The following TRA2B variants were observed in gnomAD, a reference collection of about 807,000 sequenced individuals.
The protein encoded by TRA2B is transformer-2 protein homolog beta.
A neutral mutation model predicts 41.7 loss-of-function variants in TRA2B; 14 were observed. The ratio of observed to expected loss-of-function variants is 0.34; its 90% confidence interval spans 0.22 to 0.53. The LOEUF (loss-of-function observed/expected upper bound fraction) is 0.53. Ranked by LOEUF, TRA2B falls within the 20% of genes least tolerant of loss-of-function variation. TRA2B has a pLI of 0.95. For synonymous variants in TRA2B, 130 were observed against 128.8 expected, an observed-to-expected ratio of 1.01 and a Z score of -0.06; for missense variants, 167 against 396.8, an observed-to-expected ratio of 0.42 and a Z score of 4.92.
In TRA2B at chr3:185,923,882, C is replaced by T. The variant is rs139109112; in HGVS notation, c.436G>A (p.Asp146Asn). 6 of 1,613,914 alleles carry T rather than the reference C, an allele frequency of 3.7e-6. No homozygotes were observed. Among genetic ancestry groups the T allele is most frequent in the African/African-American group, 2.7e-5 (2 of 74,892 alleles). The stretch of plus-strand genomic sequence containing the variant: ...TGCTGGTCATATACAATAGACACAT[C>T]GGCAATGGGACCATATTTAGAGAAC... ...EVFSKYGPIA[D>N]VSIVYDQQSR... Residue 146 changes from aspartate to asparagine, a missense_variant, in exon 4 of 9, where the codon GAT (aspartate) becomes AAT (asparagine). Around this residue, in one of 5 missense-constraint regions of TRA2B, gnomAD observed 20 missense variants for 159.6 expected, o/e 0.13. Coordinates refer to ENST00000453386, the MANE Select transcript of TRA2B (RefSeq NM_004593.3).
At chr3:185,931,643 T>A in intron 1 of TRA2B, 2 of 1,289,110 alleles carry the variant, frequency 1.6e-6, no homozygotes, top group Non-Finnish European at 2.0e-6. Context: ...CTTTTCTTCA[T>A]TCTTCCGTTT....
intron 3 of TRA2B, chr3:185,925,116 C>T (rs1160683281): frequency 6.3e-6 from 1 of 157,608 alleles, no homozygotes; most frequent in Non-Finnish European, 1.4e-5. Context: ...AGGAGAGCAT[C>T]TAACTAGGTT....
rs548505043 is a variant in TRA2B at position 185,934,485 on chromosome 3, T to C, written c.36+3340A>G. 12 of 985,396 alleles carry C rather than the reference T, an allele frequency of 1.2e-5. No individual in the cohort carries two copies. The South Asian group carries it at 3.8e-4, about 31-fold the overall frequency. The allele number at this position is 985,396 out of a possible 1,614,324, so 61.0% of individuals were successfully genotyped here. ...AATGTCACGTTCTAGTTCCAGACAA[T>C]ATCCACAATATTAAAGCATTCTTGT... On this transcript the variant is annotated intron_variant, in intron 1 of 8. Coordinates refer to ENST00000453386, the MANE Select transcript of TRA2B (RefSeq NM_004593.3).
intron 1 of TRA2B, among the ~76,000 whole-genome samples, chr3:185,932,973 C>A (rs1013769023): frequency 1.3e-5 from 2 of 152,138 alleles, no homozygotes; most frequent in Admixed American, 6.5e-5. Flanking sequence ...AATTTCCAGT[C>A]TAGTTTTAGA....
chr3:185,932,548 A>C (rs575937594), intron 1 of TRA2B, among the ~76,000 whole-genome samples: 18 of 152,306 alleles, frequency 1.2e-4, no homozygotes, highest in African/African-American at 3.6e-4. Context: ...CTTGAATCCA[A>C]CACTGGTATT....
chr3:185,920,130 G>A (rs946605341), intron 6 of TRA2B, among the ~76,000 whole-genome samples: 2 of 151,756 alleles, frequency 1.3e-5, no homozygotes, highest in African/African-American at 4.8e-5. Context: ...CCAAATTTTT[G>A]GCAAAAATAA....
At position 185,916,988 on chromosome 3, in the gene TRA2B, A is replaced by T. The variant is rs552946656; in HGVS notation, c.*727T>A. On this transcript the variant is annotated 3_prime_UTR_variant, in exon 9 of 9. Transcript: ENST00000453386. ...TGGTGGAATGTATTGTCACTTGCTGATAACTAGTTGAAATACCATTATCCC... is the reference window on the plus strand; with the variant it reads ...TGGTGGAATGTATTGTCACTTGCTGTTAACTAGTTGAAATACCATTATCCC... 9 of 152,740 alleles carry T rather than the reference A, an allele frequency of 5.9e-5. No individual in the cohort carries two copies. Among genetic ancestry groups the T allele is most frequent in the African/African-American group, 2.2e-4 (9 of 41,570 alleles). 9.5% of individuals were successfully genotyped at this position (152,740 alleles called of 1,614,324 possible). A position where few individuals can be genotyped will look rare whatever the true frequency, so the allele number is the denominator to read the frequency against.
At chr3:185,936,092 G>C (rs1162184862) in intron 1 of TRA2B, 1 of 985,182 alleles carries the variant, frequency 1.0e-6, no homozygotes, top group African/African-American at 1.7e-5. Flanking sequence ...TGAACTCTGG[G>C]CAATTTTCCA....
At chr3:185,934,791 TG>T (rs1488805548) in intron 1 of TRA2B, 1 of 985,460 alleles carries the variant, frequency 1.0e-6, no homozygotes, top group East Asian at 1.1e-4. Flanking sequence ...AGCAGTTTGA[TG>T]GGTTGGTGTC....
At chr3:185,926,945 G>A in intron 1 of TRA2B, 1 of 544,226 alleles carries the variant, frequency 1.8e-6, no homozygotes, top group South Asian at 2.2e-5. Context: ...CCACCTTTTT[G>A]GAGCAGGGAT....
Position 185,926,928 on chromosome 3 carries a change from C to A in TRA2B, c.37-194G>T, listed in dbSNP as rs566395489. ...AATGACATAAGTCAATTAACTTGTC[C>A]TTTCTTCCACCTTTTTGGAGCAGGG... On this transcript the variant is annotated intron_variant, in intron 1 of 8. Transcript: ENST00000453386. The A allele has an allele frequency of 9.7e-6, 6 of 615,884 alleles. No individual in the cohort carries two copies. In the East Asian group the frequency reaches 1.7e-4, roughly 18 times the overall value. The allele number at this position is 615,884 out of a possible 1,614,324, so 38.2% of individuals were successfully genotyped here.
At position 185,916,283 on chromosome 3, in the gene TRA2B, G is replaced by T. The variant is rs957503047; in HGVS notation, c.*1432C>A. 6.6e-6 allele frequency: 1 copy of T among 152,234 alleles called. No homozygotes were observed. The highest frequency in any genetic ancestry group is 2.1e-4 in the South Asian group (1 of 4,836). 9.4% of individuals were successfully genotyped at this position (152,234 alleles called of 1,614,324 possible). A position where few individuals can be genotyped will look rare whatever the true frequency, so the allele number is the denominator to read the frequency against. On this transcript the variant is annotated 3_prime_UTR_variant, in exon 9 of 9. Transcript: ENST00000453386. ...ACTAAGATCACCTAGGTTCAATTCA[G>T]ATCGTGGCATTGCCACTTAAACAGC...
intron 1 of TRA2B, chr3:185,935,825 CACA>C (rs1744329435): frequency 1.1e-5 from 11 of 985,346 alleles, no homozygotes; most frequent in Non-Finnish European, 1.2e-5. Context: ...AAACACCAAA[CACA>C]ACAATATGGA....
intron 8 of TRA2B, among the ~76,000 whole-genome samples, chr3:185,917,965 T>A (rs1743566578): frequency 6.6e-6 from 1 of 152,174 alleles, no homozygotes; most frequent in Admixed American, 6.5e-5. Context: ...GGCTAAGTAA[T>A]CCATGTTTCT....
rs560149719 is a variant in TRA2B at position 185,937,475 on chromosome 3, G to A, written c.36+350C>T. The stretch of plus-strand genomic sequence containing the variant: ...CAGCCCGCCAGCCCAAGATGGCTGC[G>A]GCGGACCTTCGCAGGAGAGCAACGC... On this transcript the variant is annotated intron_variant, in intron 1 of 8. Coordinates refer to ENST00000453386, the MANE Select transcript of TRA2B (RefSeq NM_004593.3). 169 of 1,068,146 alleles carry A rather than the reference G, an allele frequency of 1.6e-4. No homozygotes were observed. The African/African-American group carries it at 2.4e-3, about 15-fold the overall frequency. 66.2% of individuals were successfully genotyped at this position (1,068,146 alleles called of 1,614,324 possible).
chr3:185,931,836 C>T (rs1744159746), intron 1 of TRA2B: 2 of 1,507,576 alleles, frequency 1.3e-6, no homozygotes, highest in Non-Finnish European at 1.8e-6. Flanking sequence ...TCCGCATTTT[C>T]CTTCTTCAAC....
chr3:185,937,109 A>C (rs911400251), intron 1 of TRA2B: 32 of 985,328 alleles, frequency 3.2e-5, no homozygotes, highest in Non-Finnish European at 3.6e-5. Flanking sequence ...GAATACTGAT[A>C]CAGATTTTTG....
chr3:185,925,898 A>C (rs1743930780), intron 2 of TRA2B, among the ~76,000 whole-genome samples: 1 of 152,240 alleles, frequency 6.6e-6, no homozygotes, highest in Admixed American at 6.5e-5. Context: ...GCAGCATTTT[A>C]CTAGCTTGGC....
Position 185,918,282 on chromosome 3 carries a change from T to C in TRA2B, c.856+83A>G. 5.8e-6 allele frequency: 6 copies of C among 1,033,692 alleles called. No homozygotes were observed. The South Asian group carries it at 9.2e-5, about 16-fold the overall frequency. The allele number at this position is 1,033,692 out of a possible 1,614,324, so 64.0% of individuals were successfully genotyped here. A position where few individuals can be genotyped will look rare whatever the true frequency, so the allele number is the denominator to read the frequency against. ...TAGGTATGAAACTACCTGAAACCAA[T>C]CCATTATCTGATAAAGGGAATACAC... On this transcript the variant is annotated intron_variant, in intron 8 of 8. Transcript: ENST00000453386.
Sources: gnomAD v4.1 joint callset for allele counts (sites outside exome capture counted in the v4.1 genomes callset) on GRCh38, gnomAD v4.1.1 for gene constraint, gnomAD v4.1.1 regional missense constraint, MANE v1.5 for transcripts, NCBI Gene and HGNC (gene_info 2026-07-23, HGNC 2026-07-21) for gene names.